The following PPFIA1 variants were observed in gnomAD, a reference collection of about 807,000 sequenced individuals.
PPFIA1 encodes liprin-alpha-1.
Under a neutral mutation model 149.9 loss-of-function variants are expected in PPFIA1, and 25 were observed. That is an observed-to-expected ratio of 0.17 (90% CI 0.12 to 0.23). The LOEUF (loss-of-function observed/expected upper bound fraction) is 0.23, where lower values mean the gene tolerates loss of function less well. PPFIA1 is among the 10% of genes least tolerant of loss of function. The pLI is 1.00. For missense variants in PPFIA1, 1,362 were observed against 1,506.5 expected (o/e 0.90, Z 1.59); for synonymous variants, 549 against 552.8 (o/e 0.99, Z 0.10).
At position 70,326,801 on chromosome 11, in the gene PPFIA1, C is replaced by G; in HGVS notation, c.913C>G (p.Gln305Glu). ...ATCTGAAGAAATGAACACAAAATTG[C>G]AACGAGATGTCCGTGAAGTGAGCAA... is the stretch of plus-strand genomic sequence containing the variant. ...IKSEEMNTKL[Q>E]RDVREAMAQK... Residue 305 changes from glutamine to glutamate, a missense_variant, in exon 7 of 28, where the codon CAA becomes GAA. Physicochemically the swap from Gln to Glu is conservative, Grantham distance 29. Transcript: ENST00000253925. 6.2e-7 allele frequency: 1 copy of G among 1,613,710 alleles called. No individual in the cohort carries two copies. The highest frequency in any genetic ancestry group is 8.5e-7 in the Non-Finnish European group (1 of 1,179,672).
Position 70,335,727 on chromosome 11 carries a change from T to TC in PPFIA1, c.1428+36dup, listed in dbSNP as rs1483113914. The stretch of plus-strand genomic sequence containing the variant: ...AGATAACACGGACATGCTGGAGCTT[T>TC]CCCACCCTCTGCCAAAAGATTGCTC... On this transcript the variant is annotated intron_variant, in intron 11 of 27. Transcript: ENST00000253925. 3.7e-6 allele frequency: 6 copies of TC among 1,610,922 alleles called. No individual in the cohort carries two copies. The African/African-American group carries it at 8.0e-5, about 22-fold the overall frequency.
At chr11:70,300,829 G>A (rs960726988) in intron 2 of PPFIA1, among the ~76,000 whole-genome samples, 7 of 152,268 alleles carry the variant, frequency 4.6e-5, no homozygotes, top group South Asian at 2.1e-4. Flanking sequence ...CACCGCGCCC[G>A]GCCTACTCCA....
At chr11:70,318,254 G>A (rs930545324) in intron 2 of PPFIA1, among the ~76,000 whole-genome samples, 7 of 152,160 alleles carry the variant, frequency 4.6e-5, no homozygotes, top group Non-Finnish European at 8.8e-5. Flanking sequence ...TTCCCCAAAT[G>A]TAAATGCAGA....
At chr11:70,381,593 C>A (rs759587507) in intron 26 of PPFIA1, among the ~76,000 whole-genome samples, 51 of 152,180 alleles carry the variant, frequency 3.4e-4, no homozygotes, top group Non-Finnish European at 5.4e-4. Context: ...TGCTGGGTAG[C>A]AAGGTTCTCT....
At chr11:70,272,135 T>C (rs2050130831) in intron 1 of PPFIA1, 38 bp from the exon 2 acceptor site, 1 of 1,593,924 alleles carries the variant, frequency 6.3e-7, no homozygotes, top group African/African-American at 1.4e-5. Context: ...ACCTGTATTC[T>C]GAGCTTAATT....
chr11:70,297,136 GGTGGCTCA>G (rs1239426400), intron 2 of PPFIA1, among the ~76,000 whole-genome samples: 19 of 152,156 alleles, frequency 1.2e-4, no homozygotes, highest in Non-Finnish European at 1.5e-5. Context: ...GGCCGGGCAC[GGTGGCTCA>G]CGCTTCAGGC....
At chr11:70,285,555 C>T (rs186530074) in intron 2 of PPFIA1, among the ~76,000 whole-genome samples, 89 of 151,818 alleles carry the variant, frequency 5.9e-4, no homozygotes, top group African/African-American at 2.1e-3. Flanking sequence ...TGGTGCGCAG[C>T]TGTAATCCCA....
Position 70,354,587 on chromosome 11 carries a change from A to G in PPFIA1, c.2315+135A>G, listed in dbSNP as rs115828081. 1.1e-3 allele frequency: 1,099 copies of G among 989,652 alleles called. 10 individuals are homozygous for G. The African/African-American group carries it at 0.017, about 15-fold the overall frequency. The allele number at this position is 989,652 out of a possible 1,614,324, so 61.3% of individuals were successfully genotyped here. On this transcript the variant is annotated intron_variant, in intron 17 of 27. Transcript: ENST00000253925. ...CATTAATTCAGTTGAGTGTATTTAC[A>G]TGTTACACTTAGAATGCTTACCACT... is the stretch of plus-strand genomic sequence containing the variant.
At chr11:70,371,524 T>C in intron 21 of PPFIA1, 1 of 69,614 alleles carries the variant, frequency 1.4e-5, no homozygotes, top group African/African-American at 4.1e-5. Flanking sequence ...TACATTCCAT[T>C]GTTGGGTGGA....
intron 16 of PPFIA1, among the ~76,000 whole-genome samples, chr11:70,353,823 A>G (rs1449971738): frequency 6.6e-6 from 1 of 152,156 alleles, no homozygotes; most frequent in Admixed American, 6.6e-5. Context: ...GGTATTTGAC[A>G]ATTTTGCCCA....
At chr11:70,378,577 C>T (rs1254723135) in intron 26 of PPFIA1, 1 of 468,274 alleles carries the variant, frequency 2.1e-6, no homozygotes. Context: ...ATTTACTGCT[C>T]TCCACACCAG....
At chr11:70,303,309 G>A (rs767420479) in intron 2 of PPFIA1, among the ~76,000 whole-genome samples, 9 of 152,072 alleles carry the variant, frequency 5.9e-5, no homozygotes, top group Admixed American at 3.3e-4. Context: ...CTTGGAAAGC[G>A]GTCTCAGAAT....
At chr11:70,346,407 C>G (rs2055709344) in intron 15 of PPFIA1, among the ~76,000 whole-genome samples, 1 of 151,318 alleles carries the variant, frequency 6.6e-6, no homozygotes, top group South Asian at 2.1e-4. Context: ...GAAACATCAA[C>G]AAGAGCTGTG....
chr11:70,286,857 A>T (rs2051168580), intron 2 of PPFIA1, among the ~76,000 whole-genome samples: 1 of 149,662 alleles, frequency 6.7e-6, no homozygotes, highest in Non-Finnish European at 1.5e-5. Flanking sequence ...CAGCCTTCTA[A>T]GAAGCTGGGA....
At chr11:70,368,940 AAC>A (rs2135334529) in intron 21 of PPFIA1, among the ~76,000 whole-genome samples, 1 of 149,346 alleles carries the variant, frequency 6.7e-6, no homozygotes, top group African/African-American at 2.5e-5. Context: ...TCTTAGGAGA[AAC>A]ACAGTCAGTC....
chr11:70,356,090 C>G, intron 18 of PPFIA1, 71 bp from the exon 19 acceptor site: 2 of 1,219,120 alleles, frequency 1.6e-6, no homozygotes, highest in Non-Finnish European at 2.4e-6. Context: ...AAATATTCAT[C>G]TGCCTATTTA....
intron 2 of PPFIA1, among the ~76,000 whole-genome samples, chr11:70,283,259 A>G (rs2050888395): frequency 1.3e-5 from 2 of 152,008 alleles, no homozygotes; most frequent in Admixed American, 6.6e-5. Flanking sequence ...ACTGGAGTGC[A>G]GTGATTTTTA....
intron 2 of PPFIA1, among the ~76,000 whole-genome samples, chr11:70,308,519 C>T (rs1221092541): frequency 6.6e-6 from 1 of 152,098 alleles, no homozygotes; most frequent in East Asian, 1.9e-4. Context: ...CACATACTTG[C>T]TCTATTGGGA....
intron 14 of PPFIA1, chr11:70,342,222 G>A (rs1370120031): frequency 6.6e-6 from 1 of 152,622 alleles, no homozygotes; most frequent in African/African-American, 2.4e-5. Context: ...GAGCTGTGAT[G>A]GCCGGAGATC....
Sources: gnomAD v4.1 joint callset for allele counts (sites outside exome capture counted in the v4.1 genomes callset) on GRCh38, gnomAD v4.1.1 for gene constraint, MANE v1.5 for transcripts, NCBI Gene and HGNC (gene_info 2026-07-23, HGNC 2026-07-21) for gene names.